The following SGO2 variants were observed in gnomAD, a reference collection of about 807,000 sequenced individuals.
SGO2 encodes the protein shugoshin-like 2.
Under a neutral mutation model 99.5 loss-of-function variants are expected in SGO2, and 68 were observed. That is an observed-to-expected ratio of 0.68 (90% CI 0.56 to 0.84). SGO2 has a LOEUF of 0.84. Ranked by LOEUF, SGO2 falls within the 40% of genes least tolerant of loss-of-function variation. SGO2 has a pLI of 0.00. For missense variants in SGO2, 1,350 were observed against 1,436.7 expected, an observed-to-expected ratio of 0.94 and a Z score of 0.97; for synonymous variants, 457 against 487.1, an observed-to-expected ratio of 0.94 and a Z score of 0.81.
Position 200,571,959 on chromosome 2 carries a change from T to A in SGO2, c.1613T>A (p.Phe538Tyr). 6.2e-7 allele frequency: 1 copy of A among 1,609,944 alleles called. No homozygotes were observed. The highest frequency in any genetic ancestry group is 2.2e-5 in the East Asian group (1 of 44,840). The part of the protein sequence containing the change: ...CNKSKASRQT[F>Y]VIHKLEKDNL... ...AAAAGTAAAGCTTCTAGACAGACAT[T>A]TGTGATTCACAAATTAGAAAAAGAT... is the stretch of plus-strand genomic sequence containing the variant. Residue 538 changes from phenylalanine to tyrosine, a missense_variant, in exon 7 of 9, where the codon TTT (phenylalanine) becomes TAT (tyrosine). Coordinates refer to ENST00000357799, the MANE Select transcript of SGO2 (RefSeq NM_152524.6).
intron 4 of SGO2, among the ~76,000 whole-genome samples, chr2:200,540,059 C>A (rs944691917): frequency 1.3e-5 from 2 of 151,782 alleles, no homozygotes; most frequent in African/African-American, 4.8e-5. Flanking sequence ...GAGCTCCATT[C>A]GGCTCTTTGT....
intron 8 of SGO2, among the ~76,000 whole-genome samples, chr2:200,578,269 C>T (rs2033731297): frequency 6.6e-6 from 1 of 151,952 alleles, no homozygotes; most frequent in African/African-American, 2.4e-5. Flanking sequence ...CCAACTTTGA[C>T]CACTAAGAGT....
chr2:200,531,717 C>T (rs1171323245), intron 1 of SGO2: 1 of 152,226 alleles, frequency 6.6e-6, no homozygotes, highest in Non-Finnish European at 1.5e-5. Context: ...AATGTATTTC[C>T]CCACAGTTCT....
At chr2:200,576,869 G>C (rs2033684222) in intron 8 of SGO2, among the ~76,000 whole-genome samples, 1 of 152,128 alleles carries the variant, frequency 6.6e-6, no homozygotes, top group African/African-American at 2.4e-5. Flanking sequence ...GCATGTATCA[G>C]TATTTCAATT....
intron 5 of SGO2, among the ~76,000 whole-genome samples, chr2:200,567,438 CAT>C (rs775364642): frequency 6.6e-6 from 1 of 152,110 alleles, no homozygotes; most frequent in Non-Finnish European, 1.5e-5. Context: ...CTTTTAAAAA[CAT>C]AGAGATATAT....
intron 5 of SGO2, among the ~76,000 whole-genome samples, chr2:200,559,005 G>C (rs894225410): frequency 6.6e-6 from 1 of 152,124 alleles, no homozygotes; most frequent in South Asian, 2.1e-4. Flanking sequence ...GTTTCGCCAT[G>C]TTGGCCAGGT....
At chr2:200,577,012 C>A (rs1042976630) in intron 8 of SGO2, among the ~76,000 whole-genome samples, 1 of 150,402 alleles carries the variant, frequency 6.6e-6, no homozygotes, top group Admixed American at 6.6e-5. Context: ...CATTCTTTTG[C>A]AAGGTTTTGT....
In SGO2 at chr2:200,571,855, A is replaced by T; in HGVS notation, c.1509A>T (p.Thr503=). Residue 503 remains threonine (T), a synonymous_variant, in exon 7 of 9, where the codon ACA becomes ACT. Transcript: ENST00000357799. The part of the protein sequence containing the change: ...EKRITNEQEE[T]YSLSQSSGKF... ...GAATAACAAATGAGCAAGAGGAAAC[A>T]TACTCTTTATCCCAAAGTTCAGGTA... 1 of 1,613,590 alleles carries T rather than the reference A, an allele frequency of 6.2e-7. No individual in the cohort carries two copies. The highest frequency in any genetic ancestry group is 8.5e-7 in the Non-Finnish European group (1 of 1,179,624).
chr2:200,570,329 T>C lies in SGO2; in HGVS notation c.703+437T>C, dbSNP rs1033677469. Among the ~76,000 whole-genome samples, 1 of 151,998 alleles carries C rather than the reference T, an allele frequency of 6.6e-6. No individual in the cohort carries two copies. Among genetic ancestry groups the C allele is most frequent in the Non-Finnish European group, 1.5e-5 (1 of 67,904 alleles). ...GGTAATGGTTGAGCAAGAAAAAAGA[T>C]GGCATTTACATTTTATTTACATAGT... is the stretch of plus-strand genomic sequence containing the variant. On this transcript the variant is annotated intron_variant, in intron 6 of 8. Transcript: ENST00000357799. This position sits in a 1 kb window ranked among gnomAD's most constrained non-coding sequence, Gnocchi z 4.4.
chr2:200,549,156 C>A (rs1043237664), intron 5 of SGO2, among the ~76,000 whole-genome samples: 6 of 152,186 alleles, frequency 3.9e-5, no homozygotes, highest in Middle Eastern at 3.4e-3. Flanking sequence ...TCAGGCTAAT[C>A]CTGTGGTCCC....
At chr2:200,553,922 A>C (rs372078090) in intron 5 of SGO2, among the ~76,000 whole-genome samples, 5 of 152,188 alleles carry the variant, frequency 3.3e-5, no homozygotes, top group African/African-American at 1.2e-4. Flanking sequence ...GATTGTGTAC[A>C]CAAGGTATGA....
chr2:200,580,579 C>G (rs559270254), intron 8 of SGO2: 1 of 364,340 alleles, frequency 2.7e-6, no homozygotes, highest in African/African-American at 2.2e-5. Flanking sequence ...CACCTGTAAT[C>G]CCAATACTTT....
intron 1 of SGO2, chr2:200,532,414 T>C: frequency 2.0e-6 from 2 of 985,146 alleles, no homozygotes; most frequent in African/African-American, 3.5e-5. Context: ...TTTCTGATCC[T>C]TTTCCTCTGC....
intron 5 of SGO2, among the ~76,000 whole-genome samples, chr2:200,556,514 G>T (rs1304559284): frequency 2.0e-5 from 3 of 152,132 alleles, no homozygotes; most frequent in African/African-American, 7.2e-5. Flanking sequence ...AATCTCCAAA[G>T]GTAGCTCAGA....
chr2:200,564,306 A>T lies in SGO2; in HGVS notation c.474-5357A>T, dbSNP rs1409803859. Among the ~76,000 whole-genome samples, 3 of 152,040 alleles carry T rather than the reference A, an allele frequency of 2.0e-5. No individual in the cohort carries two copies. The East Asian group carries it at 5.8e-4, about 29-fold the overall frequency. ...ATAGAACATCTTTATTTCTGCCTTC[A>T]TTTCGTTATGTACCCAGTAGTCATT... On this transcript the variant is annotated intron_variant, in intron 5 of 8. Transcript: ENST00000357799.
At chr2:200,579,280 C>T (rs1388001162) in intron 8 of SGO2, among the ~76,000 whole-genome samples, 2 of 152,100 alleles carry the variant, frequency 1.3e-5, no homozygotes, top group African/African-American at 2.4e-5. Context: ...GTCTTGAGTT[C>T]TCCAGGTATA....
chr2:200,535,826 A>T (rs761375329), intron 3 of SGO2, among the ~76,000 whole-genome samples: 1 of 151,302 alleles, frequency 6.6e-6, no homozygotes, highest in Non-Finnish European at 1.5e-5. Flanking sequence ...TATTCAACAT[A>T]TGTGTGTGTG....
chr2:200,562,932 T>G (rs1221425642), intron 5 of SGO2, among the ~76,000 whole-genome samples: 2 of 152,266 alleles, frequency 1.3e-5, no homozygotes, highest in Non-Finnish European at 2.9e-5. Flanking sequence ...TTGCTGAAGT[T>G]GCTTATCAGC....
chr2:200,559,158 A>C (rs572892654), intron 5 of SGO2, among the ~76,000 whole-genome samples: 1 of 152,098 alleles, frequency 6.6e-6, no homozygotes, highest in Non-Finnish European at 1.5e-5. Context: ...ATTTCTTCTT[A>C]TGTTAGGTTT....
Sources: gnomAD v4.1 joint callset for allele counts (sites outside exome capture counted in the v4.1 genomes callset) on GRCh38, gnomAD v4.1.1 for gene constraint, Gnocchi (gnomAD v3.1) non-coding constraint, MANE v1.5 for transcripts, NCBI Gene and HGNC (gene_info 2026-07-23, HGNC 2026-07-21) for gene names.